Variants in FAM135B observed in about 807,000 individuals in gnomAD.
The protein encoded by FAM135B is family with sequence similarity 135 member B.
A neutral mutation model predicts 127.7 loss-of-function variants in FAM135B; 43 were observed. The observed-to-expected ratio is 0.34, with a 90% confidence interval of 0.26 to 0.43. FAM135B has a LOEUF of 0.43. Ranked by LOEUF, FAM135B falls within the 20% of genes least tolerant of loss-of-function variation. The pLI, the probability that FAM135B is intolerant of heterozygous loss-of-function variation, is 1.00. For missense variants in FAM135B, 1,558 were observed against 1,725.6 expected, an observed-to-expected ratio of 0.90 and a Z score of 1.72; for synonymous variants, 670 against 665.1, an observed-to-expected ratio of 1.01 and a Z score of -0.11.
intron 3 of FAM135B, among the ~76,000 whole-genome samples, chr8:138,296,223 G>A (rs1825471868): frequency 6.6e-6 from 1 of 152,078 alleles, no homozygotes; most frequent in African/African-American, 2.4e-5. Context: ...ACCCCTGAAT[G>A]TTCACACAGC....
rs188327026 is a variant in FAM135B at position 138,410,719 on chromosome 8, G to A, written c.-19-42717C>T. 5.5e-3 allele frequency among the ~76,000 whole-genome samples: 839 copies of A among 152,284 alleles called. 3 individuals carry two copies. Among genetic ancestry groups the A allele is most frequent in the African/African-American group, 0.019 (807 of 41,554 alleles). ...AATTACCTCAGCCACTGTGGAAAGC[G>A]GTTGGAGATTTCCCAAAGAATATAA... is the stretch of plus-strand genomic sequence containing the variant. On this transcript the variant is annotated intron_variant, in intron 1 of 19. Coordinates refer to ENST00000395297, the MANE Select transcript of FAM135B (RefSeq NM_015912.4).
chr8:138,288,912 A>G (rs937877325), intron 3 of FAM135B, among the ~76,000 whole-genome samples: 3 of 152,212 alleles, frequency 2.0e-5, no homozygotes, highest in African/African-American at 7.2e-5. Context: ...AAGTGCACCC[A>G]GTAGGTCTGC....
At chr8:138,444,721 C>T (rs1212854269) in intron 1 of FAM135B, among the ~76,000 whole-genome samples, 1 of 152,020 alleles carries the variant, frequency 6.6e-6, no homozygotes, top group Non-Finnish European at 1.5e-5. Flanking sequence ...AATTGACACC[C>T]TAACATCACA....
At chr8:138,168,551 A>T (rs546488876) in intron 11 of FAM135B, among the ~76,000 whole-genome samples, 1 of 152,298 alleles carries the variant, frequency 6.6e-6, no homozygotes, top group Non-Finnish European at 1.5e-5. Context: ...GGATGAAGGT[A>T]TAAATTTCCC....
intron 9 of FAM135B, among the ~76,000 whole-genome samples, chr8:138,193,859 C>T (rs1388095493): frequency 3.3e-5 from 5 of 152,244 alleles, no homozygotes; most frequent in Admixed American, 3.3e-4. Flanking sequence ...GGTCCCACAG[C>T]TGCTCCAAGG....
intron 1 of FAM135B, among the ~76,000 whole-genome samples, chr8:138,444,806 C>A (rs1259637419): frequency 2.0e-5 from 3 of 152,058 alleles, no homozygotes; most frequent in Non-Finnish European, 4.4e-5. Context: ...AAGATCAGAG[C>A]AGAACTGAAG....
chr8:138,422,382 G>T (rs1207407050), intron 1 of FAM135B, among the ~76,000 whole-genome samples: 2 of 152,002 alleles, frequency 1.3e-5, no homozygotes, highest in Non-Finnish European at 2.9e-5. Context: ...TCTAATAAGG[G>T]TCTAATATCT....
intron 7 of FAM135B, among the ~76,000 whole-genome samples, chr8:138,205,796 T>C (rs1484438725): frequency 2.0e-5 from 3 of 150,904 alleles, no homozygotes; most frequent in African/African-American, 7.4e-5. Context: ...TTCCACAGAG[T>C]GTATCTGAGA....
At chr8:138,381,091 A>G (rs1419458769) in intron 1 of FAM135B, among the ~76,000 whole-genome samples, 1 of 152,194 alleles carries the variant, frequency 6.6e-6, no homozygotes, top group African/African-American at 2.4e-5. Flanking sequence ...GAGCTCTGCA[A>G]GACTCTGCAA....
At chr8:138,292,677 A>G (rs28791629) in intron 3 of FAM135B, among the ~76,000 whole-genome samples, 45,034 of 152,010 alleles carry the variant, frequency 0.3, 6,844 homozygotes, top group South Asian at 0.41. Context: ...CAAATAGCCA[A>G]TGGGGTGGTA....
chr8:138,161,691 C>T (rs575321591), intron 12 of FAM135B, among the ~76,000 whole-genome samples: 10 of 152,218 alleles, frequency 6.6e-5, no homozygotes, highest in Non-Finnish European at 1.0e-4. Context: ...AAGGAAATAA[C>T]GGATCTCTTC....
At chr8:138,251,528 C>T (rs915985213) in intron 5 of FAM135B, among the ~76,000 whole-genome samples, 117 of 152,046 alleles carry the variant, frequency 7.7e-4, no homozygotes, top group African/African-American at 2.2e-3. Context: ...AATATAAATA[C>T]GAATTAAAAT....
At chr8:138,419,376 CA>C (rs1461889887) in intron 1 of FAM135B, among the ~76,000 whole-genome samples, 1 of 152,128 alleles carries the variant, frequency 6.6e-6, no homozygotes, top group Non-Finnish European at 1.5e-5. Flanking sequence ...TAGAGACCTA[CA>C]AAGACAATTA....
chr8:138,234,215 A>G (rs1820106738), intron 7 of FAM135B, among the ~76,000 whole-genome samples: 1 of 152,254 alleles, frequency 6.6e-6, no homozygotes. Context: ...AGTATAAAAG[A>G]TAAGTATTGA....
At chr8:138,336,433 T>C (rs756501043) in intron 2 of FAM135B, among the ~76,000 whole-genome samples, 4 of 151,950 alleles carry the variant, frequency 2.6e-5, no homozygotes, top group Admixed American at 6.6e-5. Flanking sequence ...ATATCACCAC[T>C]GATCCCACAG....
intron 1 of FAM135B, among the ~76,000 whole-genome samples, chr8:138,484,012 G>A (rs1282784315): frequency 6.6e-6 from 1 of 152,134 alleles, no homozygotes; most frequent in Non-Finnish European, 1.5e-5. Flanking sequence ...TTTCCAGTTT[G>A]TTTCAAGAAA....
chr8:138,444,823 G>C (rs573824180), intron 1 of FAM135B, among the ~76,000 whole-genome samples: 2 of 152,212 alleles, frequency 1.3e-5, no homozygotes, highest in South Asian at 2.1e-4. Flanking sequence ...GAAGGAGATA[G>C]AGACACAAAA....
At chr8:138,210,859 G>A (rs956920705) in intron 7 of FAM135B, among the ~76,000 whole-genome samples, 1 of 152,138 alleles carries the variant, frequency 6.6e-6, no homozygotes, top group Admixed American at 6.6e-5. Context: ...CTGATACCAA[G>A]CATACACACA....
chr8:138,479,773 T>A (rs1814698965), intron 1 of FAM135B, among the ~76,000 whole-genome samples: 1 of 152,220 alleles, frequency 6.6e-6, no homozygotes, highest in South Asian at 2.1e-4. Flanking sequence ...TAGTAGGTGC[T>A]TATTAATATT....
Sources: allele counts gnomAD v4.1 joint callset (sites outside exome capture counted in the v4.1 genomes callset), GRCh38; gene constraint gnomAD v4.1.1; transcripts MANE v1.5; gene names NCBI Gene and HGNC (gene_info 2026-07-23, HGNC 2026-07-21).